Variants in NAV1 observed in about 807,000 individuals in gnomAD.
NAV1 encodes neuron navigator 1.
A neutral mutation model predicts 175.2 loss-of-function variants in NAV1; 18 were observed. The observed-to-expected ratio is 0.10, with a 90% CI of 0.07 to 0.15. The LOEUF (loss-of-function observed/expected upper bound fraction) is 0.15. NAV1 is among the 10% of genes least tolerant of loss of function. The pLI, the probability that NAV1 is intolerant of heterozygous loss-of-function variation, is 1.00. For missense variants in NAV1, 1,731 were observed against 2,436.6 expected, an observed-to-expected ratio of 0.71 and a Z score of 6.10; for synonymous variants, 897 against 978.7, an observed-to-expected ratio of 0.92 and a Z score of 1.56.
chr1:201,814,378 A>AC (rs1480504018), intron 28 of NAV1, among the ~76,000 whole-genome samples: 5 of 151,844 alleles, frequency 3.3e-5, no homozygotes, highest in Admixed American at 1.3e-4. Context: ...TCAAAAAAAA[A>AC]AACAATTAAA....
chr1:201,634,591 T>C (rs1239275508), intron 2 of NAV1, among the ~76,000 whole-genome samples: 7 of 152,176 alleles, frequency 4.6e-5, no homozygotes, highest in Non-Finnish European at 1.0e-4. Context: ...TGGAGGGGTT[T>C]GAAATAGAAA....
Position 201,785,300 on chromosome 1 carries a change from A to G in NAV1, c.2805-10A>G. On this transcript the variant is annotated splice_polypyrimidine_tract_variant and intron_variant, in intron 7 of 29. Transcript: ENST00000367296. ...TCTCTCTCTTTTTTTTTTTTTTTTT[A>G]TCTCCACAGTAATCAGCGGGATCGG... 2 of 1,394,666 alleles carry G rather than the reference A, an allele frequency of 1.4e-6. No individual in the cohort carries two copies. Among genetic ancestry groups the G allele is most frequent in the South Asian group, 3.1e-5 (2 of 64,068 alleles). The allele number at this position is 1,394,666 out of a possible 1,614,324, so 86.4% of individuals were successfully genotyped here. A position where few individuals can be genotyped will look rare whatever the true frequency, so the allele number is the denominator to read the frequency against.
intron 3 of NAV1, among the ~76,000 whole-genome samples, chr1:201,746,919 G>A (rs544027388): frequency 2.1e-4 from 32 of 151,870 alleles, no homozygotes; most frequent in African/African-American, 7.5e-4. Context: ...TGGGAGGGTC[G>A]CTTGAGCCCA....
At chr1:201,761,243 G>A (rs1674822450) in intron 3 of NAV1, among the ~76,000 whole-genome samples, 1 of 152,234 alleles carries the variant, frequency 6.6e-6, no homozygotes, top group Non-Finnish European at 1.5e-5. Context: ...GGATTCTGGA[G>A]TGAGAAAACT....
At chr1:201,556,898 G>C (rs1038727326) in intron 1 of NAV1, among the ~76,000 whole-genome samples, 7 of 152,170 alleles carry the variant, frequency 4.6e-5, no homozygotes, top group African/African-American at 1.7e-4. Context: ...AAAAACAGGG[G>C]CTTAATTCTA....
At chr1:201,732,469 A>T (rs1298717318) in intron 3 of NAV1, among the ~76,000 whole-genome samples, 1 of 151,938 alleles carries the variant, frequency 6.6e-6, no homozygotes, top group African/African-American at 2.4e-5. Context: ...ATGAGTCACC[A>T]TGTCTGGCTT....
At chr1:201,554,706 C>CT (rs1351638447) in intron 1 of NAV1, among the ~76,000 whole-genome samples, 1 of 152,176 alleles carries the variant, frequency 6.6e-6, no homozygotes, top group Non-Finnish European at 1.5e-5. Context: ...GGCATATAAC[C>CT]TGGGTAACTC....
intron 1 of NAV1, among the ~76,000 whole-genome samples, chr1:201,669,853 C>T (rs1165557144): frequency 6.6e-6 from 1 of 152,056 alleles, no homozygotes; most frequent in Non-Finnish European, 1.5e-5. Context: ...GGAAAAGAGA[C>T]AGGGACTTGT....
chr1:201,632,254 G>A (rs749595002), intron 2 of NAV1, among the ~76,000 whole-genome samples: 6 of 152,240 alleles, frequency 3.9e-5, no homozygotes, highest in Non-Finnish European at 7.3e-5. Flanking sequence ...AATTTCCCAT[G>A]ATGACTTGCC....
At chr1:201,611,530 T>C (rs2819380) in intron 2 of NAV1, among the ~76,000 whole-genome samples, 1 of 151,958 alleles carries the variant, frequency 6.6e-6, no homozygotes. Context: ...TGGGGGAAGA[T>C]AACTGGAGTG....
chr1:201,790,679 C>G lies in NAV1; in HGVS notation c.3244-10C>G, dbSNP rs1677058439. ...GCAGCCAGTAGTTTGTATTTCTCTT[C>G]CTTTTACAGCAAATCCGGAAGCTTC... On this transcript the variant is annotated splice_polypyrimidine_tract_variant and intron_variant, in intron 12 of 29. Coordinates refer to ENST00000367296, the Ensembl canonical transcript of NAV1. The G allele has an allele frequency of 6.2e-7, 1 of 1,614,102 alleles. No individual in the cohort carries two copies. Among genetic ancestry groups the G allele is most frequent in the Non-Finnish European group, 8.5e-7 (1 of 1,180,024 alleles).
exon 30 of NAV1, chr1:201,820,810 G>A (rs1469751894): frequency 2.8e-5 from 4 of 145,450 alleles, no homozygotes; most frequent in African/African-American, 9.9e-5. Context: ...TTATTTTTTT[G>A]TTTCCCTTTT....
At chr1:201,615,165 A>C (rs1177419281) in intron 2 of NAV1, among the ~76,000 whole-genome samples, 1 of 152,128 alleles carries the variant, frequency 6.6e-6, no homozygotes, top group Non-Finnish European at 1.5e-5. Flanking sequence ...AGACTGTCCC[A>C]TTCTGTGTCT....
upstream of NAV1, among the ~76,000 whole-genome samples, chr1:201,620,453 CTT>C (rs71861939): frequency 4.2e-5 from 4 of 94,528 alleles, no homozygotes; most frequent in South Asian, 3.3e-4. Flanking sequence ...GACATATACT[CTT>C]TTTTTTTTTT....
At chr1:201,707,308 C>T (rs1195946787) in intron 1 of NAV1, among the ~76,000 whole-genome samples, 3 of 152,204 alleles carry the variant, frequency 2.0e-5, no homozygotes, top group African/African-American at 7.2e-5. Context: ...TGTTCACCCA[C>T]CTCTTTGTGC....
intron 1 of NAV1, among the ~76,000 whole-genome samples, chr1:201,699,984 A>T (rs1433162251): frequency 1.3e-5 from 2 of 152,262 alleles, no homozygotes; most frequent in Admixed American, 1.3e-4. Flanking sequence ...AAACCATAAA[A>T]ACCCTAGAAG....
chr1:201,659,162 G>A (rs1255032734), intron 1 of NAV1, among the ~76,000 whole-genome samples: 1 of 152,214 alleles, frequency 6.6e-6, no homozygotes, highest in Admixed American at 6.5e-5. Context: ...AAACCAATTT[G>A]GGACTAGACA....
rs1678432297 is a variant in NAV1, at chr1:201,808,217, G to T, written c.3845+68G>T. 5.8e-6 allele frequency: 9 copies of T among 1,561,170 alleles called. No homozygotes were observed. The highest frequency in any genetic ancestry group is 7.9e-6 in the Non-Finnish European group (9 of 1,139,414). On this transcript the variant is annotated intron_variant, in intron 18 of 29. Transcript: ENST00000367296. This position sits in a 1 kb window ranked among gnomAD's most constrained non-coding sequence, Gnocchi z 5.5. ...GTAAGCTGTGGGCTAGAGTTGACAGGAGGCCATTAGACCTTAGACAAGCAG... is the reference window on the plus strand; with the variant it reads ...GTAAGCTGTGGGCTAGAGTTGACAGTAGGCCATTAGACCTTAGACAAGCAG...
At chr1:201,720,533 G>A (rs1413493856) in intron 3 of NAV1, among the ~76,000 whole-genome samples, 2 of 152,210 alleles carry the variant, frequency 1.3e-5, no homozygotes, top group Non-Finnish European at 2.9e-5. Context: ...CCCAAGTGTT[G>A]CAAGGTACAG....
Sources: gnomAD v4.1 joint callset for allele counts (sites outside exome capture counted in the v4.1 genomes callset) on GRCh38, gnomAD v4.1.1 for gene constraint, Gnocchi (gnomAD v3.1) non-coding constraint, MANE v1.5 for transcripts, NCBI Gene and HGNC (gene_info 2026-07-23, HGNC 2026-07-21) for gene names.